Variants in VPS53 observed in about 807,000 individuals in gnomAD.
VPS53 encodes vacuolar protein sorting-associated protein 53 homolog.
In VPS53, 70 loss-of-function variants were observed where a neutral mutation model predicts 107.0. The ratio of observed to expected loss-of-function variants is 0.65; its 90% CI spans 0.54 to 0.80. The LOEUF (loss-of-function observed/expected upper bound fraction) is 0.80, where lower values mean the gene tolerates loss of function less well. Among genes scored for constraint, VPS53 ranks in the 30% least tolerant of loss-of-function variants. VPS53 has a pLI of 0.00. For missense variants in VPS53, 917 were observed against 1,049.4 expected (o/e 0.87, Z 1.74); for synonymous variants, 409 against 393.3 (o/e 1.04, Z -0.47).
chr17:559,478 T>A (rs1443192973), intron 15 of VPS53, among the ~76,000 whole-genome samples: 1 of 152,200 alleles, frequency 6.6e-6, no homozygotes, highest in African/African-American at 2.4e-5. Flanking sequence ...GCTCTGTGGC[T>A]CCAAGGCCAA....
At chr17:528,866 T>C (rs1236319918) in intron 19 of VPS53, among the ~76,000 whole-genome samples, 1 of 152,218 alleles carries the variant, frequency 6.6e-6, no homozygotes, top group Non-Finnish European at 1.5e-5. Context: ...CCCAAAGTGC[T>C]GGGATTACAG....
At chr17:553,573 AC>A (rs1178499516) in intron 15 of VPS53, 111 bp from the exon 16 acceptor site, 19 of 746,670 alleles carry the variant, frequency 2.5e-5, no homozygotes, top group African/African-American at 6.6e-5. Flanking sequence ...AATTCCATAC[AC>A]TTTTTTTTTT....
At chr17:661,314 G>A (rs550384372) in intron 5 of VPS53, among the ~76,000 whole-genome samples, 3 of 151,970 alleles carry the variant, frequency 2.0e-5, no homozygotes, top group Non-Finnish European at 4.4e-5. Context: ...GAGGTCAAGA[G>A]ATTGAGACCA....
chr17:580,972 C>A (rs141155775), intron 13 of VPS53, among the ~76,000 whole-genome samples: 1 of 151,716 alleles, frequency 6.6e-6, no homozygotes, highest in Non-Finnish European at 1.5e-5. Context: ...GAACCTAATG[C>A]GTTCCCAGAT....
intron 4 of VPS53, among the ~76,000 whole-genome samples, chr17:662,439 C>T (rs979771491): frequency 2.0e-5 from 3 of 152,190 alleles, no homozygotes; most frequent in Non-Finnish European, 4.4e-5. Context: ...CCTGTAATCC[C>T]AGCACTTTGG....
At chr17:690,251 C>T (rs1304343256) in intron 4 of VPS53, among the ~76,000 whole-genome samples, 1 of 152,220 alleles carries the variant, frequency 6.6e-6, no homozygotes, top group Non-Finnish European at 1.5e-5. Context: ...CTGAGACACA[C>T]ACGGTCTGAC....
chr17:709,847 T>C (rs984744846), intron 2 of VPS53, among the ~76,000 whole-genome samples: 1 of 152,130 alleles, frequency 6.6e-6, no homozygotes, highest in African/African-American at 2.4e-5. Flanking sequence ...ACGTGAAGTC[T>C]AAAAATCTGT....
intron 4 of VPS53, among the ~76,000 whole-genome samples, chr17:662,887 AAGGAAGGCAGGCAGGCAGGCAGGC>A (rs1307189227): frequency 1.1e-4 from 13 of 119,828 alleles, no homozygotes; most frequent in Non-Finnish European, 1.6e-4. Context: ...GGAAGGAAGG[AAGGAAGGCAGGCAGGCAGGCAGGC>A]AGGCAGGCAG....
At chr17:529,384 T>TCACA (rs1469887772) in intron 19 of VPS53, among the ~76,000 whole-genome samples, 4 of 117,360 alleles carry the variant, frequency 3.4e-5, no homozygotes, top group African/African-American at 7.5e-5. Flanking sequence ...GCATATCAAT[T>TCACA]CACACACACA....
At chr17:571,546 C>CTCCCT (rs1398615647) in intron 13 of VPS53, among the ~76,000 whole-genome samples, 141 of 114,396 alleles carry the variant, frequency 1.2e-3, no homozygotes, top group African/African-American at 3.0e-3. Flanking sequence ...TCCCTCTCCC[C>CTCCCT]ACGGTCTCCC....
At chr17:620,897 C>A (rs937782338) in intron 11 of VPS53, among the ~76,000 whole-genome samples, 1 of 151,892 alleles carries the variant, frequency 6.6e-6, no homozygotes, top group Non-Finnish European at 1.5e-5. Context: ...CATGAGCCAC[C>A]GCACCCGGCC....
At chr17:592,154 T>C (rs1438106235) in intron 12 of VPS53, among the ~76,000 whole-genome samples, 1 of 152,256 alleles carries the variant, frequency 6.6e-6, no homozygotes, top group East Asian at 1.9e-4. Context: ...TGGCCTTCTT[T>C]GTCTCTTTTG....
rs1220549480 is a variant in VPS53, at chr17:532,625, T to TA, written c.2085+216dup. On this transcript the variant is annotated intron_variant, in intron 19 of 21. Transcript: ENST00000437048. ...GACCTTTCCATGGTGCTTGCTGTGT[T>TA]ATACCCTGCACCCAGAACTTAGTAG... 3 of 1,254,738 alleles carry TA rather than the reference T, an allele frequency of 2.4e-6. No homozygotes were observed. In the African/African-American group the frequency reaches 4.5e-5, roughly 19 times the overall value. 77.7% of individuals were successfully genotyped at this position (1,254,738 alleles called of 1,614,324 possible).
intron 1 of VPS53, among the ~76,000 whole-genome samples, chr17:712,177 C>A (rs1348144755): frequency 1.0e-5 from 1 of 98,466 alleles, no homozygotes; most frequent in Non-Finnish European, 1.9e-5. Flanking sequence ...TGACTTTCGC[C>A]TTTTTTTTTT....
intron 7 of VPS53, among the ~76,000 whole-genome samples, chr17:645,143 G>A (rs1970635377): frequency 6.6e-6 from 1 of 152,168 alleles, no homozygotes; most frequent in Non-Finnish European, 1.5e-5. Flanking sequence ...GAAAAGCAAA[G>A]AGCCCACCAA....
Position 519,013 on chromosome 17 carries a change from AG to A in VPS53, c.*114del. 2 of 1,163,070 alleles carry A rather than the reference AG, an allele frequency of 1.7e-6. No homozygotes were observed. The highest frequency in any genetic ancestry group is 2.4e-6 in the Non-Finnish European group (2 of 850,440). 72.0% of individuals were successfully genotyped at this position (1,163,070 alleles called of 1,614,324 possible). ...GACTCAGTAACAACCCACATGTCCC[AG>A]GAAGTTTGAAGACCGACGATGTGAG... On this transcript the variant is annotated 3_prime_UTR_variant, in exon 22 of 22. Coordinates refer to ENST00000437048, the MANE Select transcript of VPS53 (RefSeq NM_001128159.3). The surrounding 1 kb of genome is among the most constrained non-coding windows in gnomAD (Gnocchi z 5.0).
At chr17:581,450 T>C (rs1478339160) in intron 13 of VPS53, among the ~76,000 whole-genome samples, 3 of 150,574 alleles carry the variant, frequency 2.0e-5, no homozygotes, top group African/African-American at 4.9e-5. Flanking sequence ...CAAAACCTAA[T>C]GCATTCCCTG....
chr17:542,772 A>T (rs9905462), intron 17 of VPS53, among the ~76,000 whole-genome samples: 23,628 of 151,940 alleles, frequency 0.16, 4,354 homozygotes, highest in African/African-American at 0.43. Context: ...TGAGGCCAGG[A>T]ATTCGAGACC....
intron 11 of VPS53, among the ~76,000 whole-genome samples, chr17:622,744 T>C (rs906532158): frequency 1.3e-5 from 2 of 151,784 alleles, no homozygotes; most frequent in African/African-American, 4.8e-5. Context: ...TTTTTAGAGA[T>C]AGGGTGTCAC....
Sources: allele counts gnomAD v4.1 joint callset (sites outside exome capture counted in the v4.1 genomes callset), GRCh38; gene constraint gnomAD v4.1.1; non-coding constraint Gnocchi (gnomAD v3.1); transcripts MANE v1.5; gene names NCBI Gene and HGNC (gene_info 2026-07-23, HGNC 2026-07-21).